The following STK3 variants were observed in gnomAD, a reference collection of about 807,000 sequenced individuals.
The protein encoded by STK3 is serine/threonine kinase 3, also known as serine/threonine-protein kinase 3.
STK3 carries 41 observed loss-of-function variants against 58.0 expected under a neutral mutation model. That is an observed-to-expected ratio of 0.71 (90% CI 0.55 to 0.92). STK3 has a LOEUF of 0.92. Ranked by LOEUF, STK3 falls within the 40% of genes least tolerant of loss-of-function variation. The probability of loss-of-function intolerance (pLI) is 0.00; values close to 1 mark genes in which losing one functional copy is unlikely to be tolerated. For synonymous variants in STK3, 170 were observed against 191.0 expected (o/e 0.89, Z 0.91); for missense variants, 479 against 602.7 (o/e 0.79, Z 2.15).
chr8:98,370,237 G>C (rs1386285084), downstream of STK3, among the ~76,000 whole-genome samples: 1 of 151,796 alleles, frequency 6.6e-6, no homozygotes, highest in Non-Finnish European at 1.5e-5. Flanking sequence ...GGGCTGAAGT[G>C]ACTTCAGCAT....
At chr8:98,844,426 G>A (rs1433005282) in intron 3 of STK3, among the ~76,000 whole-genome samples, 1 of 152,126 alleles carries the variant, frequency 6.6e-6, no homozygotes, top group African/African-American at 2.4e-5. Context: ...AGCCTGCAAG[G>A]GGGCTGACAG....
chr8:98,574,692 G>A (rs1813248077), intron 8 of STK3, among the ~76,000 whole-genome samples: 1 of 152,142 alleles, frequency 6.6e-6, no homozygotes, highest in South Asian at 2.1e-4. Context: ...ATGAAAAGAG[G>A]GCTTTGGACT....
chr8:98,878,661 AC>A (rs908903723), intron 3 of STK3, among the ~76,000 whole-genome samples: 1 of 152,048 alleles, frequency 6.6e-6, no homozygotes, highest in African/African-American at 2.4e-5. Flanking sequence ...GGATAAGAAC[AC>A]CTTCCCCTTT....
chr8:98,862,567 G>T (rs1251816012), intron 3 of STK3, among the ~76,000 whole-genome samples: 1 of 152,174 alleles, frequency 6.6e-6, no homozygotes, highest in East Asian at 1.9e-4. Flanking sequence ...CAGGAAAATG[G>T]GTTTTTCATT....
At chr8:98,359,455 G>A in the STK3 span, among the ~76,000 whole-genome samples, 1 of 150,404 alleles carries the variant, frequency 6.6e-6, no homozygotes, top group African/African-American at 2.5e-5. Flanking sequence ...CCGGGGAGGC[G>A]GAGGTTGCAG....
chr8:98,657,190 T>C (rs984985071), intron 6 of STK3, among the ~76,000 whole-genome samples: 1 of 152,068 alleles, frequency 6.6e-6, no homozygotes, highest in Non-Finnish European at 1.5e-5. Flanking sequence ...TTGACAATAA[T>C]GGCCATTCAC....
intron 3 of STK3, among the ~76,000 whole-genome samples, chr8:98,759,421 T>C (rs1290517777): frequency 6.6e-6 from 1 of 152,144 alleles, no homozygotes; most frequent in Non-Finnish European, 1.5e-5. Context: ...TTCACCATCT[T>C]ACAAAGGTGC....
At chr8:98,671,149 A>C (rs1188935330) in intron 6 of STK3, among the ~76,000 whole-genome samples, 2 of 152,220 alleles carry the variant, frequency 1.3e-5, no homozygotes, top group African/African-American at 2.4e-5. Context: ...AAATTAGAGA[A>C]TGTATAATAA....
At chr8:98,708,423 T>C (rs1404478221) in intron 4 of STK3, among the ~76,000 whole-genome samples, 1 of 152,124 alleles carries the variant, frequency 6.6e-6, no homozygotes, top group Non-Finnish European at 1.5e-5. Context: ...ATGCCACTCC[T>C]AACCCTTCCA....
intron 1 of STK3, among the ~76,000 whole-genome samples, chr8:98,787,179 A>C (rs1158519361): frequency 2.0e-5 from 3 of 149,524 alleles, no homozygotes; most frequent in African/African-American, 7.3e-5. Flanking sequence ...AAAAAAAAAA[A>C]AAAAAAAAAA....
chr8:98,748,146 T>C (rs1829759530), intron 4 of STK3, among the ~76,000 whole-genome samples: 1 of 152,204 alleles, frequency 6.6e-6, no homozygotes, highest in Non-Finnish European at 1.5e-5. Flanking sequence ...TTCATATTCC[T>C]ACCTGATAAC....
intron 1 of STK3, among the ~76,000 whole-genome samples, chr8:98,918,425 C>G (rs1180563905): frequency 1.3e-5 from 2 of 152,146 alleles, no homozygotes; most frequent in Non-Finnish European, 2.9e-5. Flanking sequence ...TGCTGAGATC[C>G]AGAACTACCT....
At chr8:98,505,178 G>T (rs1823955387) in intron 10 of STK3, among the ~76,000 whole-genome samples, 1 of 151,876 alleles carries the variant, frequency 6.6e-6, no homozygotes, top group African/African-American at 2.4e-5. Flanking sequence ...CCACTTGATC[G>T]AATAGGCTAT....
Position 98,838,381 on chromosome 8 carries a change from T to C in STK3, c.110+45266A>G, listed in dbSNP as rs150008499. On this transcript the variant is annotated intron_variant, in intron 3 of 12. Coordinates refer to the STK3 transcript ENST00000523601. ...TGTGGCCTCTATGAATAATTTCTAA[T>C]GTGTCTTGACTGAACTAAGCAGAAA... 4.6e-5 allele frequency among the ~76,000 whole-genome samples: 7 copies of C among 152,342 alleles called. No individual in the cohort carries two copies. In the East Asian group the frequency reaches 9.6e-4, roughly 21 times the overall value.
In STK3 at chr8:98,428,084, G is replaced by T; in HGVS notation, n.483+6043C>A. The T allele has an allele frequency of 6.2e-7, 1 of 1,613,846 alleles. No individual in the cohort carries two copies. Among genetic ancestry groups the T allele is most frequent in the Non-Finnish European group, 8.5e-7 (1 of 1,179,990 alleles). On this transcript the variant is annotated intron_variant and non_coding_transcript_variant, in intron 3 of 3. Transcript: ENST00000517832. The surrounding 1 kb of genome is among the most constrained non-coding windows in gnomAD (Gnocchi z 6.7). Reference sequence around the variant, plus strand: ...AGAGGAGGCTGCGCTCGCACACGCTGCTGCGCTTCCCCGAGACGCGCCTGG... The same window carrying T: ...AGAGGAGGCTGCGCTCGCACACGCTTCTGCGCTTCCCCGAGACGCGCCTGG...
At chr8:98,659,044 G>C (rs1023726869) in intron 6 of STK3, among the ~76,000 whole-genome samples, 1 of 151,922 alleles carries the variant, frequency 6.6e-6, no homozygotes, top group Non-Finnish European at 1.5e-5. Context: ...TGTAATCTAG[G>C]AGCAATAGGC....
At chr8:98,412,090 C>G (rs1001659565) in intron 3 of STK3, among the ~76,000 whole-genome samples, 2 of 152,190 alleles carry the variant, frequency 1.3e-5, no homozygotes, top group Non-Finnish European at 2.9e-5. Flanking sequence ...AGGATTGATC[C>G]AAGTGCTTCT....
chr8:98,428,959 A>G lies in STK3; in HGVS notation n.483+5168T>C. On this transcript the variant is annotated intron_variant and non_coding_transcript_variant, in intron 3 of 3. Transcript: ENST00000517832. This position sits in a 1 kb window ranked among gnomAD's most constrained non-coding sequence, Gnocchi z 6.7. Reference sequence around the variant, plus strand: ...GGGGCCACTTTGAAATACAGCTACAAAGAAGTAGGGCTGCTCTTGCTCTAC... The same window carrying G: ...GGGGCCACTTTGAAATACAGCTACAGAGAAGTAGGGCTGCTCTTGCTCTAC... 1.2e-5 allele frequency: 19 copies of G among 1,613,936 alleles called. No individual in the cohort carries two copies. Among genetic ancestry groups the G allele is most frequent in the Non-Finnish European group, 1.4e-5 (17 of 1,179,936 alleles).
rs552761030 is a variant in STK3 at position 98,535,941 on chromosome 8, T to C, written c.1142-9024A>G. 2.0e-5 allele frequency among the ~76,000 whole-genome samples: 3 copies of C among 152,262 alleles called. No homozygotes were observed. In the South Asian group the frequency reaches 6.2e-4, roughly 32 times the overall value. On this transcript the variant is annotated intron_variant, in intron 9 of 10. Transcript: ENST00000419617. Reference sequence around the variant, plus strand: ...CTGAAGGAAAGACAATGTTCTTTTCTGCAATGAGTCAGAGAAGAAACAGTT... The same window carrying C: ...CTGAAGGAAAGACAATGTTCTTTTCCGCAATGAGTCAGAGAAGAAACAGTT...
Sources: allele counts gnomAD v4.1 joint callset (sites outside exome capture counted in the v4.1 genomes callset), GRCh38; gene constraint gnomAD v4.1.1; non-coding constraint Gnocchi (gnomAD v3.1); transcripts MANE v1.5; gene names NCBI Gene and HGNC (gene_info 2026-07-23, HGNC 2026-07-21).